The following SHOX variants were observed in gnomAD, a reference collection of about 807,000 sequenced individuals.
SHOX encodes short stature homeobox protein.
In SHOX, 12 loss-of-function variants were observed where a neutral mutation model predicts 29.6. The observed-to-expected ratio is 0.41, with a 90% CI of 0.26 to 0.66. The LOEUF (loss-of-function observed/expected upper bound fraction) is 0.66, where lower values mean the gene tolerates loss of function less well. Ranked by LOEUF, SHOX falls within the 30% of genes least tolerant of loss-of-function variation. The pLI, the probability that SHOX is intolerant of heterozygous loss-of-function variation, is 0.35. For synonymous variants in SHOX, 214 were observed against 200.6 expected (o/e 1.07, Z -0.57); for missense variants, 499 against 437.7 (o/e 1.14, Z -1.25).
rs368409954 is a variant in SHOX at position 630,951 on chromosome X, C to A, written c.54C>A (p.Asp18Glu). The stretch of plus-strand genomic sequence containing the variant: ...AGTCTTTTGACCAGAAAAGCAAGGA[C>A]GGTAACGGCGGAGGCGGAGGCGGCG... The part of the protein sequence containing the change: ...VSKSFDQKSK[D>E]GNGGGGGGGG... Residue 18 changes from aspartate to glutamate, a missense_variant, in exon 1 of 5, where the codon GAC (aspartate) becomes GAA (glutamate). By Grantham distance (45) the Asp-to-Glu change is conservative. Coordinates refer to ENST00000686671, the MANE Select transcript of SHOX (RefSeq NM_000451.4). 2 of 1,613,816 alleles carry A rather than the reference C, an allele frequency of 1.2e-6. No homozygotes were observed. Among genetic ancestry groups the A allele is most frequent in the African/African-American group, 1.3e-5 (1 of 75,040 alleles).
chrX:643,012 TC>T lies in SHOX; in HGVS notation c.634-1378del, dbSNP rs750321026. Among the ~76,000 whole-genome samples the T allele has an allele frequency of 3.6e-3, 508 of 139,206 alleles. 18 individuals carry two copies. In the East Asian group the frequency reaches 0.087, roughly 24 times the overall value. 91.3% of individuals were successfully genotyped at this position (139,206 alleles called of 152,430 possible). On this transcript the variant is annotated intron_variant, in intron 4 of 4. Coordinates refer to ENST00000686671, the MANE Select transcript of SHOX (RefSeq NM_000451.4). ...CTGGGAGAGGCTTGGGGACCTGGTG[TC>T]TCTGGAAGAGGCTTGGACACCTGGT...
rs781759203 is a variant in SHOX, at chrX:634,769, C to T, written c.429C>T (p.Asp143=). ...ERLFDETHYP[D]AFMREELSQR... ...TCTTCGACGAGACCCATTACCCCGA[C>T]GCCTTCATGCGCGAGGAGCTCAGCC... The change falls in exon 2 of 5, where the codon GAC becomes GAT. Residue 143 remains aspartate (D), a synonymous_variant. Coordinates refer to ENST00000686671, the MANE Select transcript of SHOX (RefSeq NM_000451.4). 13 of 1,606,540 alleles carry T rather than the reference C, an allele frequency of 8.1e-6. 2 individuals are homozygous for T. The South Asian group carries it at 1.2e-4, about 15-fold the overall frequency.
At chrX:630,181 C>T (rs755441052), upstream of SHOX, among the ~76,000 whole-genome samples, 4 of 152,298 alleles carry the variant, frequency 2.6e-5, no homozygotes, top group East Asian at 5.8e-4. Context: ...GGACACCCGG[C>T]CCCTTCTTCT....
intron 1 of SHOX, among the ~76,000 whole-genome samples, chrX:634,220 G>A (rs1371384704): frequency 6.6e-6 from 1 of 152,166 alleles, no homozygotes; most frequent in East Asian, 1.9e-4. Context: ...AACCCGCCCC[G>A]GGTCCTCCCC....
chrX:654,877 G>A (rs1281159865), downstream of SHOX, among the ~76,000 whole-genome samples: 1 of 148,476 alleles, frequency 6.7e-6, no homozygotes, highest in Non-Finnish European at 1.5e-5. Context: ...TAGTAGAGAC[G>A]AGGTTTCCCC....
In SHOX at chrX:650,791, TTA is replaced by T. The variant is rs1491203851; in HGVS notation, c.*6156_*6157del. On this transcript the variant is annotated 3_prime_UTR_variant, in exon 5 of 5. Transcript: ENST00000686671. ...AGGCTTTCGGTGGACACGTTTGACA[TTA>T]AAAAAAAAAAAAAAAAAAAAAAAAA... is the stretch of plus-strand genomic sequence containing the variant. Among the ~76,000 whole-genome samples the T allele has an allele frequency of 1.0e-4, 3 of 29,878 alleles. No homozygotes were observed. Among genetic ancestry groups the T allele is most frequent in the African/African-American group, 3.6e-4 (3 of 8,428 alleles). The allele number at this position is 29,878 out of a possible 152,430, so 19.6% of individuals were successfully genotyped here.
chrX:658,767 GC>G, intron 5 of SHOX: 3 of 394,386 alleles, frequency 7.6e-6, no homozygotes, highest in South Asian at 1.9e-5. Flanking sequence ...ACTGCACTTG[GC>G]CTTTTTTTTT....
At chrX:658,914 A>T (rs769976595) in exon 6 of SHOX, 73 of 273,122 alleles carry the variant, frequency 2.7e-4, no homozygotes, top group Non-Finnish European at 4.8e-4. Flanking sequence ...ACAGGTGCCC[A>T]CCACCATGTC....
chrX:652,000 G>A (rs999034900), downstream of SHOX, among the ~76,000 whole-genome samples: 13 of 151,918 alleles, frequency 8.6e-5, no homozygotes, highest in East Asian at 9.7e-4. Flanking sequence ...TCGGCTCACC[G>A]CGACCTCCGC....
Position 658,557 on chromosome X carries a change from T to G in SHOX, c.634-228T>G, listed in dbSNP as rs547982574. 9.4e-4 allele frequency among the ~76,000 whole-genome samples: 141 copies of G among 149,208 alleles called. 1 individual carries two copies. The South Asian group carries it at 0.017, about 18-fold the overall frequency. On this transcript the variant is annotated intron_variant, in intron 5 of 5. Coordinates refer to the SHOX transcript ENST00000334060. ...ACGATCTCCGCTCACTGCAAGCTCC[T>G]CTTCCCGGGTTCACGCCATTCTCCT...
upstream of SHOX, among the ~76,000 whole-genome samples, chrX:626,299 G>GTCTC (rs1265582772): frequency 7.9e-6 from 1 of 126,496 alleles, no homozygotes; most frequent in South Asian, 2.9e-4. Context: ...CTCTACCTCT[G>GTCTC]TCTCTCTCTC....
chrX:628,421 C>T (rs1420886698), upstream of SHOX, among the ~76,000 whole-genome samples: 3 of 146,422 alleles, frequency 2.0e-5, no homozygotes, highest in Non-Finnish European at 4.5e-5. Flanking sequence ...CTGTCTCTCC[C>T]TCTCTCTCCC....
chrX:639,344 G>C (rs1339005037), intron 2 of SHOX, among the ~76,000 whole-genome samples: 1 of 152,212 alleles, frequency 6.6e-6, no homozygotes, highest in African/African-American at 2.4e-5. Context: ...TTGGTAATAT[G>C]AATGGGACGC....
chrX:625,713 CTG>C lies in SHOX; in HGVS notation c.-433+1113_-433+1114del, dbSNP rs1392123920. 8.5e-4 allele frequency among the ~76,000 whole-genome samples: 37 copies of C among 43,378 alleles called. 1 individual carries two copies. In the South Asian group the frequency reaches 0.013, roughly 15 times the overall value. The allele number at this position is 43,378 out of a possible 152,430, so 28.5% of individuals were successfully genotyped here. On this transcript the variant is annotated intron_variant, in intron 1 of 5. Transcript: ENST00000334060. ...TCTTCCTCTGTCTCTCTTTCTATCTCTGTCTCTCTCTCTCCTCTCTCTCTGTC... is the reference window on the plus strand; with the variant it reads ...TCTTCCTCTGTCTCTCTTTCTATCTCTCTCTCTCTCTCCTCTCTCTCTGTC...
rs1327985141 is a variant in SHOX, at chrX:651,182, G to T, written c.*6546G>T. The T allele has an allele frequency of 7.3e-6, 3 of 412,612 alleles. No homozygotes were observed. The highest frequency in any genetic ancestry group is 4.1e-5 in the African/African-American group (2 of 48,300). The allele number at this position is 412,612 out of a possible 1,614,324, so 25.6% of individuals were successfully genotyped here. ...TCGAGTGTAAATTTGACATCGCGTTGCATTTATTTTTATATTTCTGAAAAC... is the reference window on the plus strand; with the variant it reads ...TCGAGTGTAAATTTGACATCGCGTTTCATTTATTTTTATATTTCTGAAAAC... On this transcript the variant is annotated 3_prime_UTR_variant, in exon 5 of 5. Transcript: ENST00000686671.
At chrX:626,305 C>T (rs1167460661), upstream of SHOX, among the ~76,000 whole-genome samples, 1 of 64,354 alleles carries the variant, frequency 1.6e-5, no homozygotes, top group South Asian at 5.7e-4. Flanking sequence ...CTCTGTCTCT[C>T]TCTCTCCTCT....
downstream of SHOX, among the ~76,000 whole-genome samples, chrX:652,425 C>T (rs1396992338): frequency 1.3e-5 from 2 of 149,340 alleles, no homozygotes; most frequent in East Asian, 2.0e-4. Flanking sequence ...GACTGCTTCC[C>T]GGCTGTGATA....
chrX:626,060 G>C (rs868128265), upstream of SHOX, among the ~76,000 whole-genome samples: 1 of 11,024 alleles, frequency 9.1e-5, no homozygotes, highest in African/African-American at 1.1e-3. Context: ...CTCTACCTCT[G>C]TCTCTCTCTC....
chrX:635,878 GA>G (rs1232859505), intron 2 of SHOX, among the ~76,000 whole-genome samples: 4 of 151,794 alleles, frequency 2.6e-5, no homozygotes, highest in Admixed American at 1.3e-4. Flanking sequence ...GAGAGAGAGA[GA>G]GAGAGACGGT....
Sources: gnomAD v4.1 joint callset for allele counts (sites outside exome capture counted in the v4.1 genomes callset) on GRCh38, gnomAD v4.1.1 for gene constraint, MANE v1.5 for transcripts, NCBI Gene and HGNC (gene_info 2026-07-23, HGNC 2026-07-21) for gene names.